Variants in DDO observed in about 807,000 individuals in gnomAD.
DDO encodes D-aspartate oxidase.
DDO carries 16 observed loss-of-function variants against 16.8 expected under a neutral mutation model. The observed-to-expected ratio is 0.95, with a 90% CI of 0.65 to 1.45. The LOEUF (loss-of-function observed/expected upper bound fraction) is 1.45. Among genes scored for constraint, DDO ranks in the 40% most tolerant of loss-of-function variants. The pLI, the probability that DDO is intolerant of heterozygous loss-of-function variation, is 0.00. For synonymous variants in DDO, 180 were observed against 167.2 expected (o/e 1.08, Z -0.59); for missense variants, 429 against 420.3 (o/e 1.02, Z -0.18).
At chr6:110,410,230 C>G (rs1002681073) in intron 2 of DDO, among the ~76,000 whole-genome samples, 11 of 152,190 alleles carry the variant, frequency 7.2e-5, no homozygotes, top group African/African-American at 2.7e-4. Flanking sequence ...TCCAGGAGAA[C>G]CAGCCACCTG....
chr6:110,389,128 T>C (rs1305618840), downstream of DDO, among the ~76,000 whole-genome samples: 1 of 152,260 alleles, frequency 6.6e-6, no homozygotes, highest in African/African-American at 2.4e-5. Flanking sequence ...ATCCAATCTG[T>C]TGAAGGCCTG....
At chr6:110,407,382 G>A (rs892377093) in intron 3 of DDO, among the ~76,000 whole-genome samples, 4 of 152,094 alleles carry the variant, frequency 2.6e-5, no homozygotes, top group Non-Finnish European at 4.4e-5. Flanking sequence ...AGGGGCTTTG[G>A]GAAATTACTG....
chr6:110,399,683 G>T (rs748589359), intron 4 of DDO, among the ~76,000 whole-genome samples: 3 of 152,242 alleles, frequency 2.0e-5, no homozygotes, highest in Non-Finnish European at 4.4e-5. Context: ...GCTCCGGGCT[G>T]CAGGGAGCTA....
Position 110,412,119 on chromosome 6 carries a change from G to A in DDO, c.172+1172C>T, listed in dbSNP as rs138865062. ...AAATTAGCCGGGCGTGGTGGCTCAT[G>A]CCTGTAGTCCCAGCTACTCAGGAGG... On this transcript the variant is annotated intron_variant, in intron 2 of 4. Transcript: ENST00000368924. 7.9e-3 allele frequency among the ~76,000 whole-genome samples: 1,197 copies of A among 152,176 alleles called. 23 individuals are homozygous for A. Among genetic ancestry groups the A allele is most frequent in the African/African-American group, 0.027 (1,139 of 41,514 alleles).
At position 110,404,822 on chromosome 6, in the gene DDO, G is replaced by A; in HGVS notation, c.410C>T (p.Thr137Ile). 8 of 1,614,180 alleles carry A rather than the reference G, an allele frequency of 5.0e-6. No homozygotes were observed. The highest frequency in any genetic ancestry group is 6.8e-6 in the Non-Finnish European group (8 of 1,180,022). ...GGCAGGGCATTCACATTTCAGGGTT[G>A]TAAAAGCCTGACCAAACACATACTG... is the stretch of plus-strand genomic sequence containing the variant. Reference protein sequence around the residue: ...FPQYVFGQAFTTLKCECPAYL... With the variant: ...FPQYVFGQAFITLKCECPAYL... Residue 137 changes from threonine to isoleucine, a missense_variant, in exon 4 of 5, where the codon ACA becomes ATA. Coordinates refer to ENST00000368924, the MANE Select transcript of DDO (RefSeq NM_001372108.2).
At chr6:110,412,705 T>C (rs1258585266) in intron 2 of DDO, among the ~76,000 whole-genome samples, 1 of 152,212 alleles carries the variant, frequency 6.6e-6, no homozygotes. Flanking sequence ...CTTAGGTCCC[T>C]GATGACAAGC....
At chr6:110,409,820 C>T (rs1236974869) in intron 2 of DDO, among the ~76,000 whole-genome samples, 1 of 152,162 alleles carries the variant, frequency 6.6e-6, no homozygotes, top group Non-Finnish European at 1.5e-5. Context: ...TGTTCTCACC[C>T]CAAACCTTAA....
At chr6:110,402,811 C>G (rs1190673162) in intron 4 of DDO, among the ~76,000 whole-genome samples, 2 of 152,194 alleles carry the variant, frequency 1.3e-5, no homozygotes, top group African/African-American at 4.8e-5. Context: ...ACACATACCC[C>G]TGGCCATCCC....
At position 110,398,417 on chromosome 6, in the gene DDO, C is replaced by A. The variant is rs1354369633; in HGVS notation, c.459-5075G>T. 2.3e-4 allele frequency among the ~76,000 whole-genome samples: 33 copies of A among 140,546 alleles called. 1 individual carries two copies. The highest frequency in any genetic ancestry group is 1.0e-3 in the African/African-American group (32 of 31,132). 92.2% of individuals were successfully genotyped at this position (140,546 alleles called of 152,430 possible). ...ACACACACACACACACACACACACA[C>A]ACACACACACTTGGCCTCCCAGGAG... is the stretch of plus-strand genomic sequence containing the variant. On this transcript the variant is annotated intron_variant, in intron 4 of 4. Coordinates refer to ENST00000368924, the MANE Select transcript of DDO (RefSeq NM_001372108.2).
chr6:110,399,543 G>A (rs1381259563), intron 4 of DDO, among the ~76,000 whole-genome samples: 1 of 84,950 alleles, frequency 1.2e-5, no homozygotes, highest in East Asian at 3.3e-4. Flanking sequence ...CGGCCCTCCC[G>A]CCCACCCCGC....
rs774646208 is a variant in DDO at position 110,393,219 on chromosome 6, T to C, written c.582A>G (p.Ser194=). 1.9e-6 allele frequency: 3 copies of C among 1,614,230 alleles called. No homozygotes were observed. Among genetic ancestry groups the C allele is most frequent in the East Asian group, 4.5e-5 (2 of 44,888 alleles). The change falls in exon 5 of 5, where the codon TCA becomes TCG. Residue 194 remains serine (S), a synonymous_variant. Transcript: ENST00000368924. ...CTTGGCCCCTTACAGGGAAAATCTTTGAGTCTCCTGCAAGCTGTCTGCTTC... is the reference window on the plus strand; with the variant it reads ...CTTGGCCCCTTACAGGGAAAATCTTCGAGTCTCCTGCAAGCTGTCTGCTTC... ...GLGSRQLAGD[S]KIFPVRGQVL...
intron 4 of DDO, among the ~76,000 whole-genome samples, chr6:110,399,857 C>T: frequency 6.6e-6 from 1 of 152,210 alleles, no homozygotes; most frequent in Non-Finnish European, 1.5e-5. Flanking sequence ...ACATCTCAGC[C>T]GCCTTCCTGG....
chr6:110,413,426 C>A lies in DDO; in HGVS notation c.37G>T (p.Val13Leu). The change falls in exon 2 of 5, where the codon GTG becomes TTG. Residue 13 changes from valine (V) to leucine (L), a missense_variant. Coordinates refer to ENST00000368924, the MANE Select transcript of DDO (RefSeq NM_001372108.2). ...TARIAVVGAG[V>L]VGLSTAVCIS... Reference sequence around the variant, plus strand: ...CACACAGCCGTGGAGAGCCCCACCACACCTGCCCCGACAACTGCAATCCGT... The same window carrying A: ...CACACAGCCGTGGAGAGCCCCACCAAACCTGCCCCGACAACTGCAATCCGT... The A allele has an allele frequency of 6.2e-7, 1 of 1,613,950 alleles. No individual in the cohort carries two copies. Among genetic ancestry groups the A allele is most frequent in the South Asian group, 1.1e-5 (1 of 91,056 alleles).
Position 110,392,002 on chromosome 6 carries a change from A to C in DDO, c.*773T>G, listed in dbSNP as rs1282518905. On this transcript the variant is annotated 3_prime_UTR_variant, in exon 5 of 5. Coordinates refer to ENST00000368924, the MANE Select transcript of DDO (RefSeq NM_001372108.2). Reference sequence around the variant, plus strand: ...AACCAGCTCTCAATCATTTACAGTAATGGAATGTACAACCCCTAGGTGTTT... The same window carrying C: ...AACCAGCTCTCAATCATTTACAGTACTGGAATGTACAACCCCTAGGTGTTT... 1 of 176,258 alleles carries C rather than the reference A, an allele frequency of 5.7e-6. No homozygotes were observed. The highest frequency in any genetic ancestry group is 2.4e-5 in the African/African-American group (1 of 41,864). 10.9% of individuals were successfully genotyped at this position (176,258 alleles called of 1,614,324 possible). A position where few individuals can be genotyped will look rare whatever the true frequency, so the allele number is the denominator to read the frequency against.
chr6:110,399,316 A>G (rs920598942), intron 4 of DDO, among the ~76,000 whole-genome samples: 10 of 152,372 alleles, frequency 6.6e-5, no homozygotes, highest in African/African-American at 2.2e-4. Flanking sequence ...AGCTGAAGCC[A>G]TTGCTGTGTG....
chr6:110,405,004 CT>C, intron 3 of DDO, 54 bp from the exon 4 acceptor site: 4 of 1,493,010 alleles, frequency 2.7e-6, no homozygotes, highest in South Asian at 1.2e-5. Flanking sequence ...TAACATATTT[CT>C]AGTAAACTTC....
downstream of DDO, among the ~76,000 whole-genome samples, chr6:110,390,151 T>A (rs17071561): frequency 0.041 from 6,271 of 152,188 alleles, 387 homozygotes; most frequent in African/African-American, 0.14. Flanking sequence ...AGCACATCCC[T>A]CTGAGCTCGA....
chr6:110,405,083 T>G, intron 3 of DDO, 133 bp from the exon 4 acceptor site: 1 of 916,310 alleles, frequency 1.1e-6, no homozygotes, highest in Non-Finnish European at 1.6e-6. Context: ...ATCACCCAGG[T>G]GGGAGTGCAG....
At chr6:110,402,305 T>C (rs901236664) in intron 4 of DDO, among the ~76,000 whole-genome samples, 5 of 152,212 alleles carry the variant, frequency 3.3e-5, no homozygotes, top group African/African-American at 1.2e-4. Context: ...TATAATGATA[T>C]TGATTTTATT....
Sources: gnomAD v4.1 joint callset for allele counts (sites outside exome capture counted in the v4.1 genomes callset) on GRCh38, gnomAD v4.1.1 for gene constraint, MANE v1.5 for transcripts, NCBI Gene and HGNC (gene_info 2026-07-23, HGNC 2026-07-21) for gene names.